Variants in ADAMTS17 observed in about 807,000 individuals in gnomAD.
The protein encoded by ADAMTS17 is A disintegrin and metalloproteinase with thrombospondin motifs 17.
ADAMTS17 carries 113 observed loss-of-function variants against 141.5 expected under a neutral mutation model. That is an observed-to-expected ratio of 0.80 (90% CI 0.69 to 0.93). The LOEUF (loss-of-function observed/expected upper bound fraction) is 0.93. ADAMTS17 is among the 40% of genes least tolerant of loss of function. The pLI is 0.00. For missense variants in ADAMTS17, 1,659 were observed against 1,517.9 expected (o/e 1.09, Z -1.54); for synonymous variants, 768 against 630.6 (o/e 1.22, Z -3.27).
At chr15:100,119,725 C>T (rs1172504285) in intron 12 of ADAMTS17, among the ~76,000 whole-genome samples, 1 of 152,236 alleles carries the variant, frequency 6.6e-6, no homozygotes, top group Non-Finnish European at 1.5e-5. Context: ...CCTTGGCACA[C>T]CTCCCTCCAC....
intron 18 of ADAMTS17, among the ~76,000 whole-genome samples, chr15:99,999,553 A>G (rs1341998657): frequency 3.3e-5 from 5 of 151,548 alleles, no homozygotes; most frequent in African/African-American, 7.3e-5. Context: ...GGGGAGAGCG[A>G]GGGGAAAGGA....
chr15:100,296,272 T>C (rs1013175284), intron 3 of ADAMTS17, among the ~76,000 whole-genome samples: 3 of 152,122 alleles, frequency 2.0e-5, no homozygotes, highest in Non-Finnish European at 4.4e-5. Context: ...CTTTTTTTTT[T>C]TAACAAAAGC....
chr15:100,329,145 A>C, intron 3 of ADAMTS17, among the ~76,000 whole-genome samples: 1 of 152,168 alleles, frequency 6.6e-6, no homozygotes, highest in Non-Finnish European at 1.5e-5. Context: ...GCTAAGGTAC[A>C]GCCAGGACTG....
intron 20 of ADAMTS17, among the ~76,000 whole-genome samples, chr15:99,983,237 C>T (rs778244303): frequency 2.8e-4 from 43 of 152,162 alleles, no homozygotes; most frequent in African/African-American, 8.2e-4. Flanking sequence ...GCTTGTTAAT[C>T]CTCACACTGA....
At chr15:100,276,949 C>T (rs1035809459) in intron 4 of ADAMTS17, among the ~76,000 whole-genome samples, 3 of 152,042 alleles carry the variant, frequency 2.0e-5, no homozygotes, top group East Asian at 1.9e-4. Context: ...CATCTCTGAA[C>T]GGAACTTGTT....
rs149685536 is a variant in ADAMTS17 at position 100,155,678 on chromosome 15, G to C, written c.1182-358C>G. On this transcript the variant is annotated intron_variant, in intron 8 of 21. Transcript: ENST00000268070. The stretch of plus-strand genomic sequence containing the variant: ...TTACATTAAATATTCCAATGTTCAT[G>C]GTTTTGGTGTTTCTGTTCCTTAGAG... Among the ~76,000 whole-genome samples, 931 of 152,322 alleles carry C rather than the reference G, an allele frequency of 6.1e-3. 10 individuals carry two copies. The highest frequency in any genetic ancestry group is 0.02 in the African/African-American group (849 of 41,566).
At position 100,058,301 on chromosome 15, in the gene ADAMTS17, C is replaced by CT. The variant is rs113525511; in HGVS notation, c.2138-4248dup. The stretch of plus-strand genomic sequence containing the variant: ...CGGCTCTAACCCTCCTATCCCGGCT[C>CT]TAACACCCCTATCCCGGCTCTAACA... On this transcript the variant is annotated intron_variant, in intron 15 of 21. Coordinates refer to ENST00000268070, the MANE Select transcript of ADAMTS17 (RefSeq NM_139057.4). Among the ~76,000 whole-genome samples the CT allele has an allele frequency of 9.3e-3, 141 of 15,140 alleles. 4 individuals carry two copies. Among genetic ancestry groups the CT allele is most frequent in the Middle Eastern group, 0.038 (1 of 26 alleles). 9.9% of individuals were successfully genotyped at this position (15,140 alleles called of 152,430 possible). A position where few individuals can be genotyped will look rare whatever the true frequency, so the allele number is the denominator to read the frequency against.
At chr15:100,094,807 G>C (rs1023112272) in intron 15 of ADAMTS17, among the ~76,000 whole-genome samples, 3 of 152,212 alleles carry the variant, frequency 2.0e-5, no homozygotes, top group Non-Finnish European at 4.4e-5. Context: ...AGCAGCAATA[G>C]GCAAGGTCAA....
intron 7 of ADAMTS17, among the ~76,000 whole-genome samples, chr15:100,226,745 G>C (rs933813015): frequency 6.6e-6 from 1 of 152,212 alleles, no homozygotes; most frequent in Non-Finnish European, 1.5e-5. Context: ...AACCAATGGT[G>C]AGTTTTATAC....
intron 7 of ADAMTS17, among the ~76,000 whole-genome samples, chr15:100,210,335 A>G (rs1337634291): frequency 1.3e-5 from 2 of 151,922 alleles, no homozygotes; most frequent in East Asian, 3.9e-4. Flanking sequence ...TCAGACACTT[A>G]CTATGTGTGT....
intron 18 of ADAMTS17, among the ~76,000 whole-genome samples, chr15:100,005,189 A>G (rs1176727541): frequency 6.6e-6 from 1 of 152,168 alleles, no homozygotes. Flanking sequence ...CTTCAAGTTA[A>G]ATCATCCTAA....
intron 20 of ADAMTS17, among the ~76,000 whole-genome samples, chr15:99,983,549 T>C (rs2060523331): frequency 6.6e-6 from 1 of 152,150 alleles, no homozygotes; most frequent in Non-Finnish European, 1.5e-5. Flanking sequence ...CCCAACAGGA[T>C]GTTTTGAGAA....
chr15:100,236,294 A>C (rs2042651800), intron 7 of ADAMTS17, among the ~76,000 whole-genome samples: 1 of 151,180 alleles, frequency 6.6e-6, no homozygotes, highest in Non-Finnish European at 1.5e-5. Context: ...AAAAAAAAAA[A>C]AAAAAACCCT....
chr15:100,191,550 G>A (rs1168506528), intron 8 of ADAMTS17, among the ~76,000 whole-genome samples: 3 of 152,200 alleles, frequency 2.0e-5, no homozygotes, highest in Non-Finnish European at 2.9e-5. Flanking sequence ...AAATGTCGTC[G>A]CCTCGCATGA....
chr15:100,075,520 C>T (rs2034306763), intron 15 of ADAMTS17, among the ~76,000 whole-genome samples: 2 of 152,118 alleles, frequency 1.3e-5, no homozygotes, highest in African/African-American at 2.4e-5. Context: ...AAAATGTGAC[C>T]GTGGAGAAGT....
intron 4 of ADAMTS17, among the ~76,000 whole-genome samples, chr15:100,278,429 C>A (rs2044172600): frequency 6.6e-6 from 1 of 152,086 alleles, no homozygotes; most frequent in African/African-American, 2.4e-5. Context: ...GTGGGAGCAG[C>A]ATGGCACCCT....
chr15:100,237,831 C>T (rs1357273657), intron 7 of ADAMTS17, among the ~76,000 whole-genome samples: 1 of 152,152 alleles, frequency 6.6e-6, no homozygotes, highest in East Asian at 1.9e-4. Flanking sequence ...ACGATGTTGG[C>T]CAGGCTGGTC....
intron 2 of ADAMTS17, among the ~76,000 whole-genome samples, chr15:100,333,558 C>T (rs560191161): frequency 6.6e-6 from 1 of 152,184 alleles, no homozygotes; most frequent in Non-Finnish European, 1.5e-5. Flanking sequence ...TGCTGGAGAC[C>T]CTGGACACCT....
At chr15:100,216,335 G>C (rs568755234) in intron 7 of ADAMTS17, among the ~76,000 whole-genome samples, 2 of 152,244 alleles carry the variant, frequency 1.3e-5, no homozygotes, top group Non-Finnish European at 2.9e-5. Flanking sequence ...AAAAGGCACA[G>C]GACAATTTCA....
Sources: gnomAD v4.1 joint callset for allele counts (sites outside exome capture counted in the v4.1 genomes callset) on GRCh38, gnomAD v4.1.1 for gene constraint, MANE v1.5 for transcripts, NCBI Gene and HGNC (gene_info 2026-07-23, HGNC 2026-07-21) for gene names.